Variants in MAGI1 observed in about 807,000 individuals in gnomAD.
MAGI1 encodes membrane-associated guanylate kinase, WW and PDZ domain-containing protein 1.
In MAGI1, 58 loss-of-function variants were observed where a neutral mutation model predicts 139.9. The ratio of observed to expected loss-of-function variants is 0.41; its 90% CI spans 0.34 to 0.52. MAGI1 has a LOEUF of 0.52. Ranked by LOEUF, MAGI1 falls within the 20% of genes least tolerant of loss-of-function variation. MAGI1 has a pLI of 0.12. For missense variants in MAGI1, 1,874 were observed against 1,901.6 expected (o/e 0.99, Z 0.27); for synonymous variants, 812 against 737.9 (o/e 1.10, Z -1.63).
chr3:65,638,832 C>T (rs1034606828), intron 1 of MAGI1, among the ~76,000 whole-genome samples: 1 of 151,892 alleles, frequency 6.6e-6, no homozygotes, highest in Non-Finnish European at 1.5e-5. Flanking sequence ...GTCTTGAACT[C>T]CTGACATGAG....
At chr3:65,795,780 A>G (rs965070329) in intron 1 of MAGI1, among the ~76,000 whole-genome samples, 1 of 151,370 alleles carries the variant, frequency 6.6e-6, no homozygotes, top group African/African-American at 2.4e-5. Flanking sequence ...GAGGGGTGTG[A>G]TGGCTCATGT....
chr3:65,362,265 C>T (rs886946838), intron 21 of MAGI1, among the ~76,000 whole-genome samples: 2 of 152,042 alleles, frequency 1.3e-5, no homozygotes, highest in Admixed American at 1.3e-4. Flanking sequence ...AAACTATACA[C>T]CATTATACAA....
At chr3:65,638,627 T>TC (rs1553684278) in intron 1 of MAGI1, among the ~76,000 whole-genome samples, 5 of 115,560 alleles carry the variant, frequency 4.3e-5, no homozygotes, top group East Asian at 5.3e-4. Context: ...TTTTTTTTTT[T>TC]CAGACAGAGT....
chr3:65,703,634 C>G (rs1003776097), intron 1 of MAGI1, among the ~76,000 whole-genome samples: 1 of 152,160 alleles, frequency 6.6e-6, no homozygotes, highest in Admixed American at 6.5e-5. Context: ...CAAAACTCAC[C>G]TAAGGTCACA....
In MAGI1 at chr3:65,910,855, C is replaced by CTTT. The variant is rs397989928; in HGVS notation, c.313+127138_313+127140dup. 5.0e-5 allele frequency among the ~76,000 whole-genome samples: 3 copies of CTTT among 59,484 alleles called. 1 individual carries two copies. Among genetic ancestry groups the CTTT allele is most frequent in the African/African-American group, 1.6e-4 (2 of 12,680 alleles). The allele number at this position is 59,484 out of a possible 152,430, so 39.0% of individuals were successfully genotyped here. On this transcript the variant is annotated intron_variant, in intron 1 of 22. Coordinates refer to ENST00000402939, the MANE Select transcript of MAGI1 (RefSeq NM_001033057.2). ...TGAGGCCTCTTTCAGACATGGTGGA[C>CTTT]TTTTTTTTTTTTTTTTTTTTGAGAT...
chr3:65,504,811 A>G (rs1188600063), intron 2 of MAGI1, among the ~76,000 whole-genome samples: 1 of 152,220 alleles, frequency 6.6e-6, no homozygotes, highest in African/African-American at 2.4e-5. Flanking sequence ...TTCCACAGGA[A>G]AGTCAACCTG....
chr3:65,847,897 T>C lies in MAGI1; in HGVS notation c.313+190099A>G, dbSNP rs762322584. ...TTAAATGTAGTTTTGGAACCAAGCA[T>C]GGTGGCTCACACCTGTAGTCCCGGC... On this transcript the variant is annotated intron_variant, in intron 1 of 22. Coordinates refer to ENST00000402939, the MANE Select transcript of MAGI1 (RefSeq NM_001033057.2). Among the ~76,000 whole-genome samples, 110 of 152,288 alleles carry C rather than the reference T, an allele frequency of 7.2e-4. 1 individual carries two copies. The highest frequency in any genetic ancestry group is 1.2e-3 in the Non-Finnish European group (82 of 68,024).
At chr3:65,653,444 A>G (rs1392328383) in intron 1 of MAGI1, among the ~76,000 whole-genome samples, 1 of 152,178 alleles carries the variant, frequency 6.6e-6, no homozygotes, top group African/African-American at 2.4e-5. Context: ...TAAATTACAG[A>G]CACCTGCAAG....
rs201047170 is a variant in MAGI1, at chr3:65,883,353, T to C, written c.313+154643A>G. ...GAAGTTGTACTAGCAAATTCCAGTC[T>C]AAAAGAAGTAAAATCAAATAATTCT... On this transcript the variant is annotated intron_variant, in intron 1 of 22. Transcript: ENST00000402939. 2.0e-5 allele frequency among the ~76,000 whole-genome samples: 3 copies of C among 152,152 alleles called. No homozygotes were observed. The East Asian group carries it at 5.8e-4, about 29-fold the overall frequency.
chr3:65,526,425 C>A (rs1323090808), intron 2 of MAGI1, among the ~76,000 whole-genome samples: 2 of 152,206 alleles, frequency 1.3e-5, no homozygotes, highest in Admixed American at 6.5e-5. Flanking sequence ...CTCTTACTTG[C>A]AACGTATGTT....
chr3:65,990,657 T>G (rs1285740544), intron 1 of MAGI1, among the ~76,000 whole-genome samples: 1 of 152,228 alleles, frequency 6.6e-6, no homozygotes, highest in African/African-American at 2.4e-5. Flanking sequence ...AAACTGGACC[T>G]GCTCAGAAAG....
intron 1 of MAGI1, among the ~76,000 whole-genome samples, chr3:65,716,817 G>A (rs1382100684): frequency 1.3e-5 from 2 of 152,202 alleles, no homozygotes; most frequent in African/African-American, 4.8e-5. Flanking sequence ...ATGAACTGCA[G>A]CATGATTTAA....
intron 1 of MAGI1, among the ~76,000 whole-genome samples, chr3:65,853,306 C>A (rs1486089771): frequency 6.6e-6 from 1 of 152,212 alleles, no homozygotes; most frequent in African/African-American, 2.4e-5. Context: ...AACAGCTCAA[C>A]TGAAACCATA....
At chr3:65,962,682 G>A (rs574967155) in intron 1 of MAGI1, among the ~76,000 whole-genome samples, 2 of 151,716 alleles carry the variant, frequency 1.3e-5, no homozygotes, top group African/African-American at 4.8e-5. Flanking sequence ...TAAAAACGCT[G>A]GGCGTGGTGG....
chr3:65,747,574 A>G (rs1001873013), intron 1 of MAGI1, among the ~76,000 whole-genome samples: 7 of 152,222 alleles, frequency 4.6e-5, no homozygotes, highest in Admixed American at 3.3e-4. Flanking sequence ...AAAGGTAAAT[A>G]TGCAGGGAAT....
At chr3:65,376,011 A>C in intron 17 of MAGI1, 66 bp from the exon 18 acceptor site, 2 of 1,147,814 alleles carry the variant, frequency 1.7e-6, no homozygotes, top group Admixed American at 4.2e-5. Context: ...GAAGAGAAAA[A>C]GGGTTGAAAA....
At chr3:65,620,070 A>G in intron 2 of MAGI1, 1 of 844,608 alleles carries the variant, frequency 1.2e-6, no homozygotes, top group Non-Finnish European at 1.4e-6. Flanking sequence ...CCAATAAATC[A>G]GTGGAAAAAA....
intron 2 of MAGI1, among the ~76,000 whole-genome samples, chr3:65,566,693 A>G (rs1213770703): frequency 1.3e-5 from 2 of 152,244 alleles, no homozygotes; most frequent in African/African-American, 4.8e-5. Context: ...TCATTCAGCA[A>G]TAAATAACCC....
chr3:65,856,546 GAGA>G (rs1385194035), intron 1 of MAGI1, among the ~76,000 whole-genome samples: 4 of 152,162 alleles, frequency 2.6e-5, no homozygotes, highest in African/African-American at 7.2e-5. Flanking sequence ...GCCCTGCCTG[GAGA>G]AGGTCATCGG....
Sources: allele counts gnomAD v4.1 joint callset (sites outside exome capture counted in the v4.1 genomes callset), GRCh38; gene constraint gnomAD v4.1.1; transcripts MANE v1.5; gene names NCBI Gene and HGNC (gene_info 2026-07-23, HGNC 2026-07-21).